The following TMEM200A variants were observed in gnomAD, a reference collection of about 807,000 sequenced individuals.
TMEM200A encodes the protein transmembrane protein 200A, also known as two transmembrane C.
TMEM200A carries 12 observed loss-of-function variants against 24.3 expected under a neutral mutation model. That is an observed-to-expected ratio of 0.49 (90% confidence interval 0.32 to 0.80). The LOEUF is 0.80. TMEM200A is among the 30% of genes least tolerant of loss of function. The probability of loss-of-function intolerance (pLI) is 0.04; values close to 1 mark genes in which losing one functional copy is unlikely to be tolerated. For synonymous variants in TMEM200A, 224 were observed against 224.4 expected, an observed-to-expected ratio of 1.00 and a Z score of 0.02; for missense variants, 545 against 614.4, an observed-to-expected ratio of 0.89 and a Z score of 1.19.
At chr6:130,433,978 A>G (rs555560911) in intron 2 of TMEM200A, among the ~76,000 whole-genome samples, 1 of 152,314 alleles carries the variant, frequency 6.6e-6, no homozygotes, top group Non-Finnish European at 1.5e-5. Flanking sequence ...ACTCCTTCAG[A>G]TAGTATGGAA....
rs1778146890 is a variant in TMEM200A, at chr6:130,366,398, C to T, written c.-207C>T. 8 of 985,534 alleles carry T rather than the reference C, an allele frequency of 8.1e-6. No homozygotes were observed. Among genetic ancestry groups the T allele is most frequent in the Non-Finnish European group, 9.6e-6 (8 of 830,050 alleles). 61.0% of individuals were successfully genotyped at this position (985,534 alleles called of 1,614,324 possible). On this transcript the variant is annotated 5_prime_UTR_variant, in exon 1 of 3. Transcript: ENST00000296978. The surrounding 1 kb of genome is among the most constrained non-coding windows in gnomAD (Gnocchi z 4.4). ...GCGGCGGCCGAGATTCCCGCTGACGCCCCCGACCCTGCCGCCTTCTTCGTC... is the reference window on the plus strand; with the variant it reads ...GCGGCGGCCGAGATTCCCGCTGACGTCCCCGACCCTGCCGCCTTCTTCGTC...
chr6:130,374,150 GC>G (rs1395620094), intron 1 of TMEM200A, among the ~76,000 whole-genome samples: 1 of 152,160 alleles, frequency 6.6e-6, no homozygotes, highest in Non-Finnish European at 1.5e-5. Context: ...CTGTGGAACA[GC>G]CCGTGAGAGA....
intron 1 of TMEM200A, among the ~76,000 whole-genome samples, chr6:130,373,615 A>G (rs1442309778): frequency 2.6e-5 from 4 of 152,238 alleles, no homozygotes; most frequent in Non-Finnish European, 5.9e-5. Flanking sequence ...AATATTTGAT[A>G]TTATAAATGG....
chr6:130,412,089 T>C (rs1478123190), intron 2 of TMEM200A, among the ~76,000 whole-genome samples: 1 of 140,336 alleles, frequency 7.1e-6, no homozygotes, highest in Non-Finnish European at 1.5e-5. Flanking sequence ...TTGTTGAACG[T>C]TTCCTTGGCT....
chr6:130,396,484 G>A (rs1363584344), intron 2 of TMEM200A, among the ~76,000 whole-genome samples: 6 of 151,264 alleles, frequency 4.0e-5, no homozygotes, highest in South Asian at 2.1e-4. Flanking sequence ...TTGGTTTTAG[G>A]AAGATAATAC....
At chr6:130,370,272 TC>T (rs1778288631) in intron 1 of TMEM200A, among the ~76,000 whole-genome samples, 1 of 152,174 alleles carries the variant, frequency 6.6e-6, no homozygotes, top group Non-Finnish European at 1.5e-5. Flanking sequence ...TTTATAAATC[TC>T]CTTGAAGGGC....
At chr6:130,386,283 G>A (rs1040939437) in intron 2 of TMEM200A, among the ~76,000 whole-genome samples, 1 of 152,192 alleles carries the variant, frequency 6.6e-6, no homozygotes, top group Admixed American at 6.5e-5. Flanking sequence ...TCTGTGTGCA[G>A]CACTTGAGTG....
intron 2 of TMEM200A, among the ~76,000 whole-genome samples, chr6:130,423,401 T>C (rs897634089): frequency 3.3e-5 from 5 of 152,182 alleles, no homozygotes; most frequent in Non-Finnish European, 7.4e-5. Context: ...TTCCTGTCAC[T>C]AAATGATTTC....
At chr6:130,399,673 T>TTTA (rs369277850) in intron 2 of TMEM200A, among the ~76,000 whole-genome samples, 5 of 151,348 alleles carry the variant, frequency 3.3e-5, no homozygotes, top group Admixed American at 2.6e-4. Flanking sequence ...TTCAAATTTA[T>TTTA]TTATTATTAT....
intron 2 of TMEM200A, among the ~76,000 whole-genome samples, chr6:130,386,602 G>T (rs1778717186): frequency 6.6e-6 from 1 of 152,076 alleles, no homozygotes; most frequent in Non-Finnish European, 1.5e-5. Context: ...AATTGTTCCA[G>T]TCCTTACCCT....
Position 130,441,008 on chromosome 6 carries a change from C to A in TMEM200A, c.586C>A (p.Gln196Lys), listed in dbSNP as rs1780152250. The stretch of plus-strand genomic sequence containing the variant: ...TTTGATGGGAGAAACAGAAGTAAAA[C>A]AGAATGGGAGCTCCTGTGCCTCGAG... ...TGLMGETEVK[Q>K]NGSSCASRLA... Residue 196 changes from glutamine to lysine, a missense_variant, in exon 3 of 3, where the codon CAG (glutamine) becomes AAG (lysine). Transcript: ENST00000296978. 6.2e-7 allele frequency: 1 copy of A among 1,613,816 alleles called. No individual in the cohort carries two copies. The highest frequency in any genetic ancestry group is 1.1e-5 in the South Asian group (1 of 91,074).
intron 2 of TMEM200A, chr6:130,438,316 A>G (rs1354353515): frequency 6.6e-6 from 1 of 152,236 alleles, no homozygotes; most frequent in Non-Finnish European, 1.5e-5. Context: ...TTAAAACTGT[A>G]GATAACAACC....
rs1004434143 is a variant in TMEM200A at position 130,385,239 on chromosome 6, G to A, written c.-17+3G>A. 6.6e-6 allele frequency: 1 copy of A among 152,234 alleles called. No homozygotes were observed. Among genetic ancestry groups the A allele is most frequent in the Non-Finnish European group, 1.5e-5 (1 of 68,050 alleles). 9.4% of individuals were successfully genotyped at this position (152,234 alleles called of 1,614,324 possible). A position where few individuals can be genotyped will look rare whatever the true frequency, so the allele number is the denominator to read the frequency against. ...TCCTGGGACATCTGGCTCTGGAGGTGAGCGACAGCAGGGAATGACGTCAGG... is the reference window on the plus strand; with the variant it reads ...TCCTGGGACATCTGGCTCTGGAGGTAAGCGACAGCAGGGAATGACGTCAGG... On this transcript the variant is annotated splice_donor_region_variant and intron_variant, in intron 2 of 2. Transcript: ENST00000296978.
upstream of TMEM200A, chr6:130,365,948 T>C (rs1778127658): frequency 1.0e-6 from 1 of 979,146 alleles, no homozygotes; most frequent in Non-Finnish European, 1.2e-6. Context: ...CCCCTGGAAG[T>C]CCGCCCCGGC....
intron 2 of TMEM200A, among the ~76,000 whole-genome samples, chr6:130,431,043 T>C: frequency 6.6e-6 from 1 of 152,186 alleles, no homozygotes; most frequent in East Asian, 1.9e-4. Context: ...ATGTAAGACC[T>C]TTAGTAGCCT....
At chr6:130,389,438 G>A (rs890064371) in intron 2 of TMEM200A, among the ~76,000 whole-genome samples, 7 of 151,182 alleles carry the variant, frequency 4.6e-5, no homozygotes, top group Non-Finnish European at 7.4e-5. Flanking sequence ...AAAGAACAAT[G>A]TGAGAGAAAG....
At chr6:130,382,959 C>A (rs969492049) in intron 1 of TMEM200A, 1 of 934,968 alleles carries the variant, frequency 1.1e-6, no homozygotes, top group Admixed American at 6.2e-5. Flanking sequence ...ACCTGCTTTG[C>A]CTCCCTAGTG....
At chr6:130,421,565 T>C (rs890897097) in intron 2 of TMEM200A, among the ~76,000 whole-genome samples, 2 of 151,382 alleles carry the variant, frequency 1.3e-5, no homozygotes, top group African/African-American at 4.9e-5. Context: ...ACACTTAAGA[T>C]CTACTCTTAG....
chr6:130,422,281 T>A (rs1779612917), intron 2 of TMEM200A, among the ~76,000 whole-genome samples: 1 of 152,166 alleles, frequency 6.6e-6, no homozygotes, highest in Non-Finnish European at 1.5e-5. Context: ...GTTTTTTATT[T>A]TTTTTAAGAT....
Sources: gnomAD v4.1 joint callset for allele counts (sites outside exome capture counted in the v4.1 genomes callset) on GRCh38, gnomAD v4.1.1 for gene constraint, Gnocchi (gnomAD v3.1) non-coding constraint, MANE v1.5 for transcripts, NCBI Gene and HGNC (gene_info 2026-07-23, HGNC 2026-07-21) for gene names.